The following GLRA1 variants were observed in gnomAD, a reference collection of about 807,000 sequenced individuals.
GLRA1 encodes glycine receptor subunit alpha-1.
In GLRA1, 37 loss-of-function variants were observed where a neutral mutation model predicts 48.3. That is an observed-to-expected ratio of 0.77 (90% CI 0.59 to 1.01). The LOEUF (loss-of-function observed/expected upper bound fraction) is 1.01, where lower values mean the gene tolerates loss of function less well. GLRA1 is among the 50% of genes least tolerant of loss of function. The probability of loss-of-function intolerance (pLI) is 0.00; values close to 1 mark genes in which losing one functional copy is unlikely to be tolerated. For missense variants in GLRA1, 427 were observed against 571.0 expected (o/e 0.75, Z 2.57); for synonymous variants, 196 against 210.7 (o/e 0.93, Z 0.60).
At chr5:151,871,221 A>AT (rs755136533) in intron 3 of GLRA1, among the ~76,000 whole-genome samples, 1 of 149,388 alleles carries the variant, frequency 6.7e-6, no homozygotes, top group Non-Finnish European at 1.5e-5. Context: ...ATCTAATTGG[A>AT]TAACGCTGAA....
At chr5:151,915,349 AT>A (rs1489363435) in intron 1 of GLRA1, among the ~76,000 whole-genome samples, 1 of 152,144 alleles carries the variant, frequency 6.6e-6, no homozygotes, top group Non-Finnish European at 1.5e-5. Context: ...TATAAGATGC[AT>A]TTTTTCTGTA....
chr5:151,822,786 T>G lies in GLRA1; in HGVS notation c.1237A>C (p.Lys413Gln). The change falls in exon 9 of 9, where the codon AAG becomes CAG. Residue 413 changes from lysine to glutamine, a missense_variant. Physicochemically the swap from Lys to Gln is moderately conservative, Grantham distance 53. Coordinates refer to ENST00000274576, the MANE Select transcript of GLRA1 (RefSeq NM_000171.4). ...EMRKLFIQRA[K>Q]KIDKISRIGF... ...ATGCGGGATATTTTGTCGATCTTCT[T>G]GGCCCTCTGGATGAAGAGTTTTCGC... is the stretch of plus-strand genomic sequence containing the variant. 6.2e-7 allele frequency: 1 copy of G among 1,614,062 alleles called. No homozygotes were observed. The highest frequency in any genetic ancestry group is 8.5e-7 in the Non-Finnish European group (1 of 1,179,962).
At chr5:151,847,162 A>G (rs1170170704) in intron 7 of GLRA1, among the ~76,000 whole-genome samples, 1 of 152,234 alleles carries the variant, frequency 6.6e-6, no homozygotes, top group Non-Finnish European at 1.5e-5. Context: ...ATGGTGCAAA[A>G]CATTGTTTTT....
chr5:151,854,291 A>G (rs531889528), intron 6 of GLRA1, among the ~76,000 whole-genome samples: 5 of 152,318 alleles, frequency 3.3e-5, no homozygotes, highest in African/African-American at 1.2e-4. Flanking sequence ...TGGGCTTTCT[A>G]CTTACACCAG....
chr5:151,850,765 G>A (rs888247476), intron 7 of GLRA1: 40 of 1,008,030 alleles, frequency 4.0e-5, no homozygotes, highest in Middle Eastern at 4.4e-4. Context: ...CAATGAAACC[G>A]GCAATGAGCC....
chr5:151,921,087 A>C (rs906627596), intron 1 of GLRA1, among the ~76,000 whole-genome samples: 1 of 152,350 alleles, frequency 6.6e-6, no homozygotes, highest in Admixed American at 6.5e-5. Context: ...AATCCAGTGC[A>C]AGGAAGCATC....
intron 7 of GLRA1, among the ~76,000 whole-genome samples, chr5:151,844,247 A>G (rs1752605784): frequency 2.0e-5 from 3 of 152,176 alleles, no homozygotes; most frequent in Admixed American, 2.0e-4. Context: ...AGACCTAAAC[A>G]TAAGAGATAA....
chr5:151,918,154 G>A (rs559004418), intron 1 of GLRA1, among the ~76,000 whole-genome samples: 1 of 152,292 alleles, frequency 6.6e-6, no homozygotes, highest in Non-Finnish European at 1.5e-5. Flanking sequence ...CCCCTCATAA[G>A]AGCTTGCATT....
At chr5:151,880,953 A>G (rs1216270936) in intron 3 of GLRA1, among the ~76,000 whole-genome samples, 2 of 152,266 alleles carry the variant, frequency 1.3e-5, no homozygotes, top group African/African-American at 4.8e-5. Context: ...TCACAGATAC[A>G]TGTGTATTCA....
intron 1 of GLRA1, among the ~76,000 whole-genome samples, chr5:151,900,918 A>T (rs1581656275): frequency 6.6e-6 from 1 of 152,204 alleles, no homozygotes; most frequent in Non-Finnish European, 1.5e-5. Flanking sequence ...AGCTCAGTAA[A>T]TATTTGTTAA....
intron 1 of GLRA1, among the ~76,000 whole-genome samples, chr5:151,922,547 T>C (rs1754901119): frequency 1.3e-5 from 2 of 152,278 alleles, no homozygotes; most frequent in Admixed American, 6.5e-5. Flanking sequence ...TCCACAGTTA[T>C]AACTCTTCTT....
At chr5:151,865,605 C>G (rs1185758784) in intron 3 of GLRA1, among the ~76,000 whole-genome samples, 1 of 152,072 alleles carries the variant, frequency 6.6e-6, no homozygotes, top group Non-Finnish European at 1.5e-5. Flanking sequence ...CATTTTATTA[C>G]TAATATTTAA....
chr5:151,843,386 G>A lies in GLRA1; in HGVS notation c.912+8004C>T, dbSNP rs372674057. On this transcript the variant is annotated intron_variant, in intron 7 of 8. Coordinates refer to ENST00000274576, the MANE Select transcript of GLRA1 (RefSeq NM_000171.4). ...CGCCATTCTCCTGCCTCAGCCTCCT[G>A]AGTAGCTGGGACTACAGGCACCTGC... 4.7e-4 allele frequency among the ~76,000 whole-genome samples: 70 copies of A among 150,148 alleles called. 2 individuals are homozygous for A. The South Asian group carries it at 0.015, about 32-fold the overall frequency.
intron 7 of GLRA1, among the ~76,000 whole-genome samples, chr5:151,846,723 G>A (rs1752680965): frequency 6.6e-6 from 1 of 152,150 alleles, no homozygotes; most frequent in Non-Finnish European, 1.5e-5. Context: ...GAGCAACTGT[G>A]TGCAATATGA....
At chr5:151,902,464 C>T (rs1489598415) in intron 1 of GLRA1, among the ~76,000 whole-genome samples, 1 of 152,042 alleles carries the variant, frequency 6.6e-6, no homozygotes. Flanking sequence ...TCAGTTAGCT[C>T]ATCTTGAAAA....
At chr5:151,896,432 CTAT>C (rs934107040) in intron 1 of GLRA1, among the ~76,000 whole-genome samples, 17 of 152,256 alleles carry the variant, frequency 1.1e-4, no homozygotes, top group African/African-American at 4.1e-4. Context: ...GATAGTTATG[CTAT>C]TATTATGATT....
intron 4 of GLRA1, among the ~76,000 whole-genome samples, chr5:151,858,088 TTGG>T (rs1753096003): frequency 6.6e-6 from 1 of 152,166 alleles, no homozygotes; most frequent in Admixed American, 6.5e-5. Flanking sequence ...AGATACCTAA[TTGG>T]TGGTGTTCTA....
At chr5:151,911,036 A>C (rs1445056559) in intron 1 of GLRA1, among the ~76,000 whole-genome samples, 3 of 152,224 alleles carry the variant, frequency 2.0e-5, no homozygotes, top group Non-Finnish European at 2.9e-5. Flanking sequence ...CCAGGCTTCT[A>C]ATTGATAGAA....
At chr5:151,913,228 C>T (rs1226554713) in intron 1 of GLRA1, among the ~76,000 whole-genome samples, 2 of 146,532 alleles carry the variant, frequency 1.4e-5, no homozygotes, top group Non-Finnish European at 3.0e-5. Flanking sequence ...ACTTGAGGCT[C>T]AGAAAGATTG....
Sources: gnomAD v4.1 joint callset for allele counts (sites outside exome capture counted in the v4.1 genomes callset) on GRCh38, gnomAD v4.1.1 for gene constraint, MANE v1.5 for transcripts, NCBI Gene and HGNC (gene_info 2026-07-23, HGNC 2026-07-21) for gene names.